The following REEP1 variants were observed in gnomAD, a reference collection of about 807,000 sequenced individuals.
REEP1 encodes receptor accessory protein 1.
REEP1 carries 22 observed loss-of-function variants against 40.3 expected under a neutral mutation model. The observed-to-expected ratio is 0.55, with a 90% confidence interval of 0.39 to 0.78. The LOEUF (loss-of-function observed/expected upper bound fraction) is 0.78. Among genes scored for constraint, REEP1 ranks in the 30% least tolerant of loss-of-function variants. REEP1 has a pLI of 0.00. For synonymous variants in REEP1, 116 were observed against 139.2 expected (o/e 0.83, Z 1.17); for missense variants, 280 against 361.1 (o/e 0.78, Z 1.82).
chr2:86,315,260 C>A (rs1679939876), intron 1 of REEP1, among the ~76,000 whole-genome samples: 1 of 152,182 alleles, frequency 6.6e-6, no homozygotes, highest in Admixed American at 6.5e-5. Flanking sequence ...TCACTCAGCT[C>A]AGCAAGGGCT....
At chr2:86,297,986 A>G (rs552398870) in intron 1 of REEP1, among the ~76,000 whole-genome samples, 2 of 152,240 alleles carry the variant, frequency 1.3e-5, no homozygotes, top group East Asian at 1.9e-4. Flanking sequence ...TCCCACCCCA[A>G]CTGGTCCATT....
chr2:86,275,098 G>A (rs1043511763), intron 2 of REEP1, among the ~76,000 whole-genome samples: 1 of 152,150 alleles, frequency 6.6e-6, no homozygotes, highest in Non-Finnish European at 1.5e-5. Context: ...TTGCATCTGG[G>A]CCCTGCGCTT....
intron 1 of REEP1, among the ~76,000 whole-genome samples, chr2:86,333,615 G>C (rs891901908): frequency 1.3e-5 from 2 of 152,178 alleles, no homozygotes; most frequent in Admixed American, 1.3e-4. Context: ...AAGACAATGA[G>C]GCAATACCTG....
intron 1 of REEP1, among the ~76,000 whole-genome samples, chr2:86,327,814 G>A (rs531297037): frequency 9.9e-5 from 15 of 152,036 alleles, no homozygotes; most frequent in African/African-American, 3.1e-4. Context: ...TGATCTGCCC[G>A]CCTCGGCCTC....
intron 5 of REEP1, among the ~76,000 whole-genome samples, chr2:86,234,757 T>C (rs1041613456): frequency 2.6e-5 from 4 of 152,216 alleles, no homozygotes; most frequent in Non-Finnish European, 5.9e-5. Flanking sequence ...TCTAGAGTGA[T>C]GGTTGGGCAA....
At chr2:86,234,379 A>G (rs1336762698) in intron 5 of REEP1, among the ~76,000 whole-genome samples, 1 of 152,082 alleles carries the variant, frequency 6.6e-6, no homozygotes, top group Admixed American at 6.5e-5. Flanking sequence ...CTAGCTGGGC[A>G]TGGTGGTATA....
chr2:86,258,799 A>G (rs1676703027), intron 3 of REEP1, among the ~76,000 whole-genome samples: 1 of 152,136 alleles, frequency 6.6e-6, no homozygotes, highest in Non-Finnish European at 1.5e-5. Flanking sequence ...AGAGGCACCC[A>G]CCACATTTCC....
chr2:86,251,913 G>A (rs1453635050), intron 5 of REEP1, 44 bp downstream of exon 5: 7 of 1,339,368 alleles, frequency 5.2e-6, no homozygotes, highest in Non-Finnish European at 7.5e-6. Flanking sequence ...GGGCACACTA[G>A]AGGGACTGAG....
chr2:86,337,791 G>A, upstream of REEP1: 1 of 819,650 alleles, frequency 1.2e-6, no homozygotes, highest in South Asian at 3.3e-5. This position sits in a 1 kb window ranked among gnomAD's most constrained non-coding sequence, Gnocchi z 5.8. Flanking sequence ...GCTCGCCCTG[G>A]CCCCCGGCTG....
intron 2 of REEP1, among the ~76,000 whole-genome samples, chr2:86,271,077 A>C (rs538111226): frequency 6.6e-6 from 1 of 152,250 alleles, no homozygotes; most frequent in South Asian, 2.1e-4. Context: ...CTGTAGTCCC[A>C]GTTACTTGGG....
intron 1 of REEP1, among the ~76,000 whole-genome samples, chr2:86,317,790 G>A (rs1347836585): frequency 1.3e-5 from 2 of 152,228 alleles, no homozygotes; most frequent in African/African-American, 4.8e-5. Context: ...CACTCATACA[G>A]TGTTTCTGCT....
chr2:86,313,315 G>A (rs1414736286), intron 1 of REEP1, among the ~76,000 whole-genome samples: 1 of 125,594 alleles, frequency 8.0e-6, no homozygotes, highest in Non-Finnish European at 1.7e-5. Flanking sequence ...TTTTTTTTTT[G>A]GTGTGTAGAG....
At chr2:86,324,580 T>C (rs1375203996) in intron 1 of REEP1, among the ~76,000 whole-genome samples, 1 of 152,094 alleles carries the variant, frequency 6.6e-6, no homozygotes, top group Non-Finnish European at 1.5e-5. Flanking sequence ...GAACAAATGG[T>C]GGAGCACTTG....
At chr2:86,298,116 G>A (rs1679071439) in intron 1 of REEP1, among the ~76,000 whole-genome samples, 5 of 152,188 alleles carry the variant, frequency 3.3e-5, no homozygotes, top group African/African-American at 1.2e-4. Flanking sequence ...TGTGGCCACT[G>A]GCAGCAGGTA....
chr2:86,274,299 G>T (rs1165995139), intron 2 of REEP1, among the ~76,000 whole-genome samples: 1 of 152,232 alleles, frequency 6.6e-6, no homozygotes, highest in African/African-American at 2.4e-5. Context: ...CAGCCAAGAA[G>T]ATTGCCCAAC....
chr2:86,287,519 TGTG>T (rs1410642671), intron 1 of REEP1, among the ~76,000 whole-genome samples: 2 of 152,364 alleles, frequency 1.3e-5, no homozygotes, highest in Middle Eastern at 3.4e-3. Context: ...TTTTGTGCTT[TGTG>T]TTCTTAATAA....
At chr2:86,336,722 C>T (rs567263725) in intron 1 of REEP1, 2 of 152,438 alleles carry the variant, frequency 1.3e-5, no homozygotes, top group African/African-American at 4.8e-5. Context: ...CAGACCTCAC[C>T]CTAGATGACT....
At chr2:86,303,212 G>GTTTTTTTTTTTTTTTTT (rs35002382) in intron 1 of REEP1, among the ~76,000 whole-genome samples, 1 of 69,012 alleles carries the variant, frequency 1.4e-5, no homozygotes, top group Non-Finnish European at 2.6e-5. Context: ...CCGGCTAATT[G>GTTTTTTTTTTTTTTTTT]TTTTTTTTTT....
intron 7 of REEP1, among the ~76,000 whole-genome samples, 187 bp downstream of exon 7, chr2:86,227,176 C>T (rs1009496817): frequency 6.6e-6 from 1 of 152,234 alleles, no homozygotes; most frequent in African/African-American, 2.4e-5. Flanking sequence ...AGTTAAGCTG[C>T]TCCCAGATTT....
Sources: gnomAD v4.1 joint callset for allele counts (sites outside exome capture counted in the v4.1 genomes callset) on GRCh38, gnomAD v4.1.1 for gene constraint, Gnocchi (gnomAD v3.1) non-coding constraint, MANE v1.5 for transcripts, NCBI Gene and HGNC (gene_info 2026-07-23, HGNC 2026-07-21) for gene names.